Variants in SH3RF3 observed in about 807,000 individuals in gnomAD.
SH3RF3 encodes E3 ubiquitin-protein ligase SH3RF3.
SH3RF3 carries 29 observed loss-of-function variants against 66.3 expected under a neutral mutation model. The observed-to-expected ratio is 0.44, with a 90% CI of 0.33 to 0.60. The LOEUF is 0.60. Ranked by LOEUF, SH3RF3 falls within the 20% of genes least tolerant of loss-of-function variation. The pLI is 0.04. For missense variants in SH3RF3, 1,194 were observed against 1,190.9 expected (o/e 1.00, Z -0.04); for synonymous variants, 583 against 532.0 (o/e 1.10, Z -1.32).
intron 5 of SH3RF3, among the ~76,000 whole-genome samples, chr2:109,429,999 C>A (rs1001771240): frequency 2.0e-5 from 3 of 152,196 alleles, no homozygotes; most frequent in African/African-American, 7.2e-5. Context: ...GGCCACTGAG[C>A]CCCTAGCTCT....
intron 1 of SH3RF3, among the ~76,000 whole-genome samples, chr2:109,265,098 C>G (rs958134917): frequency 6.6e-6 from 1 of 152,114 alleles, no homozygotes; most frequent in South Asian, 2.1e-4. Context: ...TTAGACTTTG[C>G]CCACTTGAGG....
intron 1 of SH3RF3, among the ~76,000 whole-genome samples, chr2:109,274,663 G>A (rs1198873023): frequency 6.6e-6 from 1 of 152,198 alleles, no homozygotes; most frequent in Non-Finnish European, 1.5e-5. Flanking sequence ...CTTCACGGGG[G>A]TAGGGCTTTA....
chr2:109,262,764 T>C (rs1204006760), intron 1 of SH3RF3, among the ~76,000 whole-genome samples: 4 of 152,226 alleles, frequency 2.6e-5, no homozygotes, highest in South Asian at 2.1e-4. Context: ...TTGGAAAATA[T>C]ATTACATTTA....
At chr2:109,300,013 G>T (rs1482335299) in intron 1 of SH3RF3, among the ~76,000 whole-genome samples, 1 of 152,170 alleles carries the variant, frequency 6.6e-6, no homozygotes, top group Non-Finnish European at 1.5e-5. Context: ...TTTGGAAACT[G>T]GAAGGCACTG....
At chr2:109,383,691 T>C (rs1675752917) in intron 3 of SH3RF3, among the ~76,000 whole-genome samples, 1 of 152,186 alleles carries the variant, frequency 6.6e-6, no homozygotes, top group African/African-American at 2.4e-5. Flanking sequence ...TTCATTTCGT[T>C]GCTGCTCAAC....
intron 8 of SH3RF3, among the ~76,000 whole-genome samples, chr2:109,456,214 G>A (rs1678052847): frequency 6.6e-6 from 1 of 152,236 alleles, no homozygotes; most frequent in Non-Finnish European, 1.5e-5. Context: ...CTGGTTAGTG[G>A]CACTGGCGTT....
rs543988188 is a variant in SH3RF3, at chr2:109,371,524, G to C, written c.850-62G>C. The stretch of plus-strand genomic sequence containing the variant: ...CCTCCACAGTACTAACCAGTGTCTT[G>C]CTTCCTTTTTCATTGTGTGTGTGTC... On this transcript the variant is annotated intron_variant, in intron 2 of 9. Transcript: ENST00000309415. 85 of 1,437,064 alleles carry C rather than the reference G, an allele frequency of 5.9e-5. No individual in the cohort carries two copies. The East Asian group carries it at 1.8e-3, about 30-fold the overall frequency. 89.0% of individuals were successfully genotyped at this position (1,437,064 alleles called of 1,614,324 possible). A position where few individuals can be genotyped will look rare whatever the true frequency, so the allele number is the denominator to read the frequency against.
intron 1 of SH3RF3, among the ~76,000 whole-genome samples, chr2:109,312,643 C>G (rs548885856): frequency 6.6e-6 from 1 of 152,318 alleles, no homozygotes; most frequent in South Asian, 2.1e-4. Flanking sequence ...GCCCTTTGGT[C>G]TAGCTTCTTT....
chr2:109,407,525 G>T (rs1019772593), intron 4 of SH3RF3, among the ~76,000 whole-genome samples: 1 of 152,128 alleles, frequency 6.6e-6, no homozygotes, highest in Admixed American at 6.5e-5. Context: ...AAAGCTGAAG[G>T]AGCTGAAGCA....
chr2:109,235,314 C>T (rs1476018071), intron 1 of SH3RF3, among the ~76,000 whole-genome samples: 1 of 152,176 alleles, frequency 6.6e-6, no homozygotes, highest in Non-Finnish European at 1.5e-5. Flanking sequence ...CTCCCCCTTC[C>T]TACCTCCTCT....
chr2:109,306,454 A>T (rs1001457502), intron 1 of SH3RF3, among the ~76,000 whole-genome samples: 2 of 152,222 alleles, frequency 1.3e-5, no homozygotes, highest in East Asian at 3.9e-4. Context: ...CAGGCTGCAC[A>T]TACCGCAGAA....
intron 1 of SH3RF3, among the ~76,000 whole-genome samples, chr2:109,346,179 C>T (rs564144458): frequency 1.1e-4 from 17 of 152,176 alleles, no homozygotes; most frequent in South Asian, 4.1e-4. Flanking sequence ...TGGAAGCAAA[C>T]GGATTTTTTT....
intron 1 of SH3RF3, among the ~76,000 whole-genome samples, chr2:109,333,171 G>T (rs973453615): frequency 1.3e-5 from 2 of 152,192 alleles, no homozygotes; most frequent in Admixed American, 6.5e-5. Context: ...GCAGCACCAG[G>T]CCTGCACCTC....
chr2:109,261,707 G>A (rs1558988475), intron 1 of SH3RF3, among the ~76,000 whole-genome samples: 1 of 152,192 alleles, frequency 6.6e-6, no homozygotes, highest in Non-Finnish European at 1.5e-5. Flanking sequence ...AATTGGGTGT[G>A]TATTTAAAAT....
chr2:109,295,353 C>T (rs1338249060), intron 1 of SH3RF3, among the ~76,000 whole-genome samples: 1 of 152,254 alleles, frequency 6.6e-6, no homozygotes, highest in Non-Finnish European at 1.5e-5. Flanking sequence ...GCTCAAGTCA[C>T]ACAGCTGGTG....
At chr2:109,376,561 T>C (rs1014742484) in intron 3 of SH3RF3, among the ~76,000 whole-genome samples, 1 of 152,208 alleles carries the variant, frequency 6.6e-6, no homozygotes, top group African/African-American at 2.4e-5. Flanking sequence ...TGAAAGACAG[T>C]AGACACAAGT....
chr2:109,386,472 A>G (rs973393353), intron 3 of SH3RF3, among the ~76,000 whole-genome samples: 3 of 152,132 alleles, frequency 2.0e-5, no homozygotes, highest in African/African-American at 4.8e-5. Flanking sequence ...GTTATAAACA[A>G]TAGCTCAGCA....
chr2:109,159,318 G>A (rs576280708), intron 1 of SH3RF3, among the ~76,000 whole-genome samples: 69 of 152,320 alleles, frequency 4.5e-4, no homozygotes, highest in African/African-American at 1.5e-3. Context: ...CGGTTTCCTC[G>A]TCCTGCCGAG....
chr2:109,259,883 C>G (rs1023072170), intron 1 of SH3RF3, among the ~76,000 whole-genome samples: 2 of 152,154 alleles, frequency 1.3e-5, no homozygotes, highest in Non-Finnish European at 2.9e-5. Context: ...GGGGATGGCT[C>G]TGGAAACTGT....
Sources: gnomAD v4.1 joint callset for allele counts (sites outside exome capture counted in the v4.1 genomes callset) on GRCh38, gnomAD v4.1.1 for gene constraint, MANE v1.5 for transcripts, NCBI Gene and HGNC (gene_info 2026-07-23, HGNC 2026-07-21) for gene names.